Variants in POSTN observed in about 807,000 individuals in gnomAD.
The protein encoded by POSTN is osteoblast specific factor 2 (fasciclin I-like).
A neutral mutation model predicts 104.5 loss-of-function variants in POSTN; 71 were observed. The ratio of observed to expected loss-of-function variants is 0.68; its 90% CI spans 0.56 to 0.83. POSTN has a LOEUF of 0.83. Ranked by LOEUF, POSTN falls within the 40% of genes least tolerant of loss-of-function variation. POSTN has a pLI of 0.00. For missense variants in POSTN, 949 were observed against 1,006.8 expected, an observed-to-expected ratio of 0.94 and a Z score of 0.78; for synonymous variants, 355 against 340.7, an observed-to-expected ratio of 1.04 and a Z score of -0.46.
intron 2 of POSTN, among the ~76,000 whole-genome samples, chr13:37,594,052 A>T (rs906627232): frequency 6.6e-6 from 1 of 152,066 alleles, no homozygotes; most frequent in Non-Finnish European, 1.5e-5. Flanking sequence ...TTGGAAACAT[A>T]TAAAAGGTAT....
In POSTN at chr13:37,584,881, T is replaced by C. The variant is rs1423311627; in HGVS notation, c.943A>G (p.Ile315Val). 1.2e-6 allele frequency: 2 copies of C among 1,613,864 alleles called. No homozygotes were observed. The highest frequency in any genetic ancestry group is 1.7e-6 in the Non-Finnish European group (2 of 1,179,926). ...GTCTCAAAGACTGCTCCTCCCATAATAGACTCAGAACACTGGAGAGTATTT... is the reference window on the plus strand; with the variant it reads ...GTCTCAAAGACTGCTCCTCCCATAACAGACTCAGAACACTGGAGAGTATTT... ...ILNTLQCSES[I>V]MGGAVFETLE... The change falls in exon 8 of 23, where the codon ATT becomes GTT. Residue 315 changes from isoleucine (I) to valine (V), a missense_variant. Transcript: ENST00000379747.
Position 37,582,460 on chromosome 13 carries a change from A to G in POSTN, c.1298T>C (p.Ile433Thr). The G allele has an allele frequency of 1.2e-6, 2 of 1,613,536 alleles. No homozygotes were observed. Among genetic ancestry groups the G allele is most frequent in the South Asian group, 1.1e-5 (1 of 91,034 alleles). Residue 433 changes from isoleucine (I) to threonine (T), a missense_variant, in exon 10 of 23, where the codon ATA (isoleucine) becomes ACA (threonine). Ile to Thr is a moderately conservative substitution (Grantham distance 89, BLOSUM62 -1). Transcript: ENST00000379747. ...ATTAAGGCCAACTTTTACTTTCAAT[A>G]TGTGATTCTGCAGAATTAATTTAAG... ...RLLKLILQNH[I>T]LKVKVGLNEL...
intron 18 of POSTN, chr13:37,571,031 A>G (rs1424753271): frequency 3.4e-6 from 1 of 293,720 alleles, no homozygotes; most frequent in Non-Finnish European, 6.3e-6. Flanking sequence ...AGACTTATAC[A>G]ATGGTCATTT....
rs558271832 is a variant in POSTN, at chr13:37,570,079, A to G, written c.2270-258T>C. The stretch of plus-strand genomic sequence containing the variant: ...TAATTGTTTAAACAAATACTTAAAG[A>G]ATAGCTGAATTAAGGATTTTCGGCG... On this transcript the variant is annotated intron_variant, in intron 19 of 22. Transcript: ENST00000379747. 2.0e-5 allele frequency among the ~76,000 whole-genome samples: 3 copies of G among 152,048 alleles called. No homozygotes were observed. The South Asian group carries it at 6.2e-4, about 31-fold the overall frequency.
chr13:37,577,817 A>G lies in POSTN; in HGVS notation c.1963-19T>C, dbSNP rs373876614. 99 of 1,613,280 alleles carry G rather than the reference A, an allele frequency of 6.1e-5. No individual in the cohort carries two copies. The highest frequency in any genetic ancestry group is 8.1e-5 in the Non-Finnish European group (96 of 1,179,528). On this transcript the variant is annotated intron_variant, in intron 15 of 22. Transcript: ENST00000379747. Reference sequence around the variant, plus strand: ...GAACAAACTGAAAATAAATGTTTATATTTAGTAACATGAAAGGTGATAGTT... The same window carrying G: ...GAACAAACTGAAAATAAATGTTTATGTTTAGTAACATGAAAGGTGATAGTT...
intron 7 of POSTN, among the ~76,000 whole-genome samples, chr13:37,585,543 A>T (rs1015654597): frequency 6.6e-6 from 1 of 152,146 alleles, no homozygotes; most frequent in African/African-American, 2.4e-5. Flanking sequence ...AAAGTAACCA[A>T]ATAAAGATGA....
chr13:37,578,914 A>G lies in POSTN; in HGVS notation c.1895-3T>C, dbSNP rs750722087. On this transcript the variant is annotated splice_polypyrimidine_tract_variant and splice_region_variant and intron_variant, in intron 14 of 22. Transcript: ENST00000379747. ...TTGATCATTTCCAACAGGTGTGTCT[A>G]TGAAGAGAAATATTAAATGAATATT... 1 of 1,595,796 alleles carries G rather than the reference A, an allele frequency of 6.3e-7. No individual in the cohort carries two copies. Among genetic ancestry groups the G allele is most frequent in the Non-Finnish European group, 8.5e-7 (1 of 1,175,162 alleles).
intron 16 of POSTN, 120 bp downstream of exon 16, chr13:37,577,633 G>C: frequency 7.1e-7 from 1 of 1,398,700 alleles, no homozygotes; most frequent in Non-Finnish European, 9.4e-7. Flanking sequence ...AAATGAGATT[G>C]GCCATAGTTT....
intron 17 of POSTN, among the ~76,000 whole-genome samples, chr13:37,573,322 T>A (rs936831946): frequency 3.3e-5 from 5 of 151,458 alleles, no homozygotes; most frequent in African/African-American, 4.8e-5. Flanking sequence ...AACAAAACTT[T>A]CTGATTTAAT....
chr13:37,586,690 GC>G, intron 6 of POSTN, 91 bp downstream of exon 6: 1 of 1,284,768 alleles, frequency 7.8e-7, no homozygotes, highest in African/African-American at 1.5e-5. Context: ...TTACATTTTT[GC>G]CAGATTTAAT....
chr13:37,565,025 A>T, intron 21 of POSTN: 1 of 153,896 alleles, frequency 6.5e-6, no homozygotes, highest in South Asian at 2.0e-4. Context: ...TCAATTTGTG[A>T]TTCCTTTATT....
Position 37,580,658 on chromosome 13 carries a change from T to A in POSTN, c.1432A>T (p.Lys478Ter). 6.2e-7 allele frequency: 1 copy of A among 1,614,140 alleles called. No individual in the cohort carries two copies. The highest frequency in any genetic ancestry group is 8.5e-7 in the Non-Finnish European group (1 of 1,180,000). The part of the protein sequence containing the change: ...IENSCMEKGS[K>*]QGRNGAIHIF... Reference sequence around the variant, plus strand: ...TGAATCGCACCGTTTCTCCCTTGCTTACTCCCTTTCTCCATGCATGAATTT... The same window carrying A: ...TGAATCGCACCGTTTCTCCCTTGCTAACTCCCTTTCTCCATGCATGAATTT... Residue 478 changes from lysine (K) to a stop codon, truncating the protein, a stop_gained, in exon 11 of 23, where the codon AAG becomes TAG. Coordinates refer to ENST00000379747, the MANE Select transcript of POSTN (RefSeq NM_006475.3). LOFTEE classifies it high-confidence loss of function.
chr13:37,583,903 A>G (rs1391840314), intron 9 of POSTN, 66 bp downstream of exon 9: 1 of 1,544,496 alleles, frequency 6.5e-7, no homozygotes, highest in Non-Finnish European at 8.8e-7. Flanking sequence ...TCTTATTGCA[A>G]ACAATCATCA....
intron 16 of POSTN, among the ~76,000 whole-genome samples, chr13:37,577,422 A>G (rs1178321120): frequency 1.3e-5 from 2 of 152,224 alleles, no homozygotes; most frequent in Admixed American, 6.5e-5. Context: ...GTGTCCACAC[A>G]TCTGAATTTT....
chr13:37,592,005 T>C, intron 3 of POSTN, 95 bp downstream of exon 3: 4 of 748,852 alleles, frequency 5.3e-6, no homozygotes, highest in East Asian at 2.6e-5. Context: ...AGGATGGTGC[T>C]GAATACACAC....
In POSTN at chr13:37,579,954, C is replaced by G. The variant is rs774684142; in HGVS notation, c.1567G>C (p.Glu523Gln). Residue 523 changes from glutamate (E) to glutamine (Q), a missense_variant, in exon 12 of 23, where the codon GAG becomes CAG. Coordinates refer to ENST00000379747, the MANE Select transcript of POSTN (RefSeq NM_006475.3). ...LSLLEAADLK[E>Q]LLTQPGDWTL... Reference sequence around the variant, plus strand: ...CAGTCTCCAGGTTGTGTCAGGAGCTCTTTCAAGTCTGCAGCTTCAAGTAGG... The same window carrying G: ...CAGTCTCCAGGTTGTGTCAGGAGCTGTTTCAAGTCTGCAGCTTCAAGTAGG... 1.2e-6 allele frequency: 2 copies of G among 1,613,456 alleles called. No homozygotes were observed. The highest frequency in any genetic ancestry group is 3.3e-5 in the Admixed American group (2 of 59,972).
chr13:37,563,321 GT>G lies in POSTN; in HGVS notation c.*11del. The G allele has an allele frequency of 5.7e-6, 9 of 1,575,074 alleles. No homozygotes were observed. Among genetic ancestry groups the G allele is most frequent in the South Asian group, 2.3e-5 (2 of 88,052 alleles). On this transcript the variant is annotated 3_prime_UTR_variant, in exon 23 of 23. Coordinates refer to ENST00000379747, the MANE Select transcript of POSTN (RefSeq NM_006475.3). ...AGGGTTGTATAAACATTTTTTTCTG[GT>G]TTTTGGATTTTCACTGAGAACGACC...
rs747094343 is a variant in POSTN, at chr13:37,579,370, A to G, written c.1661-11T>C. On this transcript the variant is annotated splice_polypyrimidine_tract_variant and intron_variant, in intron 12 of 22. Transcript: ENST00000379747. ...GAGCATTTTTGTCCCCTAGGGGAAA[A>G]TATATGTTTATTTTTATTGAATAAT... 1 of 1,541,320 alleles carries G rather than the reference A, an allele frequency of 6.5e-7. No homozygotes were observed. The highest frequency in any genetic ancestry group is 8.9e-7 in the Non-Finnish European group (1 of 1,120,486).
intron 6 of POSTN, 79 bp from the exon 7 acceptor site, chr13:37,586,359 A>C (rs1950745643): frequency 1.4e-6 from 2 of 1,439,986 alleles, no homozygotes; most frequent in Admixed American, 4.3e-5. Flanking sequence ...GCCTAGGCTG[A>C]CATGAAGGAG....
Sources: gnomAD v4.1 joint callset for allele counts (sites outside exome capture counted in the v4.1 genomes callset) on GRCh38, gnomAD v4.1.1 for gene constraint, MANE v1.5 for transcripts, NCBI Gene and HGNC (gene_info 2026-07-23, HGNC 2026-07-21) for gene names.